Variants in EPOR observed in about 807,000 individuals in gnomAD.
The protein encoded by EPOR is erythropoietin receptor.
Under a neutral mutation model 34.3 loss-of-function variants are expected in EPOR, and 20 were observed. The ratio of observed to expected loss-of-function variants is 0.58; its 90% CI spans 0.41 to 0.85. The LOEUF (loss-of-function observed/expected upper bound fraction) is 0.85. Among genes scored for constraint, EPOR ranks in the 40% least tolerant of loss-of-function variants. The pLI, the probability that EPOR is intolerant of heterozygous loss-of-function variation, is 0.00. For missense variants in EPOR, 601 were observed against 672.7 expected (o/e 0.89, Z 1.18); for synonymous variants, 312 against 299.0 (o/e 1.04, Z -0.45).
Position 11,381,539 on chromosome 19 carries a change from T to C in EPOR, c.585+153A>G, listed in dbSNP as rs978732810. 4.6e-5 allele frequency among the ~76,000 whole-genome samples: 7 copies of C among 152,028 alleles called. No homozygotes were observed. The highest frequency in any genetic ancestry group is 1.5e-4 in the African/African-American group (6 of 41,376). On this transcript the variant is annotated intron_variant, in intron 4 of 7. Transcript: ENST00000222139. The surrounding 1 kb of genome is among the most constrained non-coding windows in gnomAD (Gnocchi z 5.3). Reference sequence around the variant, plus strand: ...CGAGGACATTAGGAAAGGGGGTGTGTCTGTGGGCGTGGAACGGTCTTCAGC... The same window carrying C: ...CGAGGACATTAGGAAAGGGGGTGTGCCTGTGGGCGTGGAACGGTCTTCAGC...
chr19:11,378,206 G>T lies in EPOR; in HGVS notation c.1305C>A (p.Leu435=). The change falls in exon 8 of 8, where the codon CTC becomes CTA. Residue 435 remains leucine, a synonymous_variant. Transcript: ENST00000222139. This position sits in a 1 kb window ranked among gnomAD's most constrained non-coding sequence, Gnocchi z 5.3. ...CAGGGCACAGTGTCCATGGACGCAA[G>T]AGCTGGGAGCTGGGGTCCAGGATAG... ...EYTILDPSSQ[L]LRPWTLCPEL... 1 of 1,614,172 alleles carries T rather than the reference G, an allele frequency of 6.2e-7. No homozygotes were observed. Among genetic ancestry groups the T allele is most frequent in the South Asian group, 1.1e-5 (1 of 91,090 alleles).
At chr19:11,380,264 C>G (rs1186880236) in intron 6 of EPOR, among the ~76,000 whole-genome samples, 1 of 152,164 alleles carries the variant, frequency 6.6e-6, no homozygotes, top group Non-Finnish European at 1.5e-5. Flanking sequence ...ACTTGAGATC[C>G]ACAAGGTCAG....
rs777739386 is a variant in EPOR, at chr19:11,382,849, T to A, written c.251+248A>T. 10 of 1,492,028 alleles carry A rather than the reference T, an allele frequency of 6.7e-6. No homozygotes were observed. In the South Asian group the frequency reaches 1.1e-4, roughly 16 times the overall value. The allele number at this position is 1,492,028 out of a possible 1,614,324, so 92.4% of individuals were successfully genotyped here. ...GCCCCGACGTAGTAACGCCTTACCCTCGATTTGGAGGCGTTGTTATCCCAG... is the reference window on the plus strand; with the variant it reads ...GCCCCGACGTAGTAACGCCTTACCCACGATTTGGAGGCGTTGTTATCCCAG... On this transcript the variant is annotated intron_variant, in intron 2 of 7. Transcript: ENST00000222139.
rs1369800666 is a variant in EPOR at position 11,378,338 on chromosome 19, A to C, written c.1173T>G (p.Ser391Arg). Residue 391 changes from serine to arginine, a missense_variant, in exon 8 of 8, where the codon AGT becomes AGG. Ser to Arg is a moderately radical substitution (Grantham distance 110). Transcript: ENST00000222139. The surrounding 1 kb of genome is among the most constrained non-coding windows in gnomAD (Gnocchi z 5.3). ...CTTCATCCATGGCCACTATGTCCAC[A>C]CTGCCACCAGGCCCTGGGAGGTCCT... ...PSEDLPGPGGSVDIVAMDEGS... is the reference protein window; with the variant it reads ...PSEDLPGPGGRVDIVAMDEGS... 1 of 1,613,406 alleles carries C rather than the reference A, an allele frequency of 6.2e-7. No individual in the cohort carries two copies. The highest frequency in any genetic ancestry group is 1.7e-5 in the Admixed American group (1 of 60,018).
In EPOR at chr19:11,377,773, A is replaced by ATG. The variant is rs774094479; in HGVS notation, c.*209_*210dup. On this transcript the variant is annotated 3_prime_UTR_variant, in exon 8 of 8. Coordinates refer to ENST00000222139, the MANE Select transcript of EPOR (RefSeq NM_000121.4). ...TCATGGTAGAAAAACTTACATACAT[A>ATG]TGTGTATATATATATATAGATACAA... 11 of 704,052 alleles carry ATG rather than the reference A, an allele frequency of 1.6e-5. No individual in the cohort carries two copies. Among genetic ancestry groups the ATG allele is most frequent in the South Asian group, 1.4e-4 (10 of 70,090 alleles). 43.6% of individuals were successfully genotyped at this position (704,052 alleles called of 1,614,324 possible).
Position 11,382,025 on chromosome 19 carries a change from G to C in EPOR, c.332C>G (p.Thr111Arg). 1 of 1,614,206 alleles carries C rather than the reference G, an allele frequency of 6.2e-7. No homozygotes were observed. The highest frequency in any genetic ancestry group is 8.5e-7 in the Non-Finnish European group (1 of 1,180,020). The change falls in exon 3 of 8, where the codon ACA (threonine) becomes AGA (arginine). Residue 111 changes from threonine to arginine, a missense_variant. Thr to Arg is a moderately conservative substitution (Grantham distance 71). Coordinates refer to ENST00000222139, the MANE Select transcript of EPOR (RefSeq NM_000121.4). ...GAVRFWCSLP[T>R]ADTSSFVPLE... is the part of the protein sequence containing the mutation. The stretch of plus-strand genomic sequence containing the variant: ...GGGCACGAAGCTCGACGTGTCGGCT[G>C]TAGGCAGCGAACACCAGAAGCGCAC...
chr19:11,381,395 C>T lies in EPOR; in HGVS notation c.586-186G>A, dbSNP rs572245157. The T allele has an allele frequency of 4.1e-6, 3 of 727,310 alleles. No individual in the cohort carries two copies. In the African/African-American group the frequency reaches 5.3e-5, roughly 13 times the overall value. 45.1% of individuals were successfully genotyped at this position (727,310 alleles called of 1,614,324 possible). ...CCAATCAGAGAGAGAGTCTCTGGTACGAAAGGGCGGGACCCGGGCAATTTA... is the reference window on the plus strand; with the variant it reads ...CCAATCAGAGAGAGAGTCTCTGGTATGAAAGGGCGGGACCCGGGCAATTTA... On this transcript the variant is annotated intron_variant, in intron 4 of 7. Transcript: ENST00000222139. The surrounding 1 kb of genome is among the most constrained non-coding windows in gnomAD (Gnocchi z 5.3).
In EPOR at chr19:11,378,712, G is replaced by T. The variant is rs763766126; in HGVS notation, c.894C>A (p.Thr298=). Reference sequence around the variant, plus strand: ...CTACCTGGAAGTTACCCTTGTGGGTGGTGAAGAGGCCTTCAAACTCGCTCT... The same window carrying T: ...CTACCTGGAAGTTACCCTTGTGGGTTGTGAAGAGGCCTTCAAACTCGCTCT... ...SPESEFEGLF[T]THKGNFQLWL... Residue 298 remains threonine (T), a synonymous_variant, in exon 7 of 8, where the codon ACC becomes ACA. Coordinates refer to ENST00000222139, the MANE Select transcript of EPOR (RefSeq NM_000121.4). The surrounding 1 kb of genome is among the most constrained non-coding windows in gnomAD (Gnocchi z 5.3). 5.1e-5 allele frequency: 83 copies of T among 1,614,106 alleles called. No homozygotes were observed. The highest frequency in any genetic ancestry group is 7.0e-5 in the Non-Finnish European group (83 of 1,180,044).
Position 11,381,339 on chromosome 19 carries a change from A to AGTAGGGG in EPOR, c.586-137_586-131dup, listed in dbSNP as rs1968355334. The stretch of plus-strand genomic sequence containing the variant: ...CTAGAATTGCAATGGGACCAATAAG[A>AGTAGGGG]GTAGGGGGAGGAGCCCAAGAAAGCT... On this transcript the variant is annotated intron_variant, in intron 4 of 7. Coordinates refer to ENST00000222139, the MANE Select transcript of EPOR (RefSeq NM_000121.4). The surrounding 1 kb of genome is among the most constrained non-coding windows in gnomAD (Gnocchi z 5.3). 1 of 1,016,796 alleles carries AGTAGGGG rather than the reference A, an allele frequency of 9.8e-7. No homozygotes were observed. Among genetic ancestry groups the AGTAGGGG allele is most frequent in the Non-Finnish European group, 1.5e-6 (1 of 679,050 alleles). 63.0% of individuals were successfully genotyped at this position (1,016,796 alleles called of 1,614,324 possible).
intron 2 of EPOR, among the ~76,000 whole-genome samples, chr19:11,382,482 G>GCCTC (rs1432181531): frequency 1.3e-5 from 2 of 151,448 alleles, no homozygotes; most frequent in African/African-American, 4.9e-5. Flanking sequence ...TCCTGCCTCA[G>GCCTC]CCTCCCGAGT....
intron 2 of EPOR, 185 bp downstream of exon 2, chr19:11,382,912 G>A: frequency 6.5e-7 from 1 of 1,533,276 alleles, no homozygotes; most frequent in Non-Finnish European, 8.7e-7. Context: ...GTGATCGCGG[G>A]AGTGTTCGCG....
chr19:11,383,037 A>T lies in EPOR; in HGVS notation c.251+60T>A. On this transcript the variant is annotated intron_variant, in intron 2 of 7. Coordinates refer to ENST00000222139, the MANE Select transcript of EPOR (RefSeq NM_000121.4). This position sits in a 1 kb window ranked among gnomAD's most constrained non-coding sequence, Gnocchi z 4.9. ...GGGGACATACGAGGCTACGACCTCCAGGGAGCTCTGCCCCACCCCCTCCCT... is the reference window on the plus strand; with the variant it reads ...GGGGACATACGAGGCTACGACCTCCTGGGAGCTCTGCCCCACCCCCTCCCT... 3.7e-6 allele frequency: 6 copies of T among 1,610,548 alleles called. No individual in the cohort carries two copies. Among genetic ancestry groups the T allele is most frequent in the Non-Finnish European group, 5.1e-6 (6 of 1,179,614 alleles).
At position 11,381,439 on chromosome 19, in the gene EPOR, G is replaced by A. The variant is rs1026273619; in HGVS notation, c.586-230C>T. The A allele has an allele frequency of 1.0e-5, 7 of 667,502 alleles. No individual in the cohort carries two copies. Among genetic ancestry groups the A allele is most frequent in the African/African-American group, 1.8e-5 (1 of 55,152 alleles). The allele number at this position is 667,502 out of a possible 1,614,324, so 41.3% of individuals were successfully genotyped here. A position where few individuals can be genotyped will look rare whatever the true frequency, so the allele number is the denominator to read the frequency against. On this transcript the variant is annotated intron_variant, in intron 4 of 7. Transcript: ENST00000222139. The surrounding 1 kb of genome is among the most constrained non-coding windows in gnomAD (Gnocchi z 5.3). ...CAATTTAATATCTGGGCTAGCACTC[G>A]TAGAGGGACCCGGGCGCTAAAGGGG...
chr19:11,384,198 G>A lies in EPOR; in HGVS notation c.10C>T (p.Leu4Phe), dbSNP rs1239516139. Residue 4 changes from leucine (L) to phenylalanine (F), a missense_variant, in exon 1 of 8, where the codon CTC (leucine) becomes TTC (phenylalanine). Physicochemically the swap from Leu to Phe is conservative, Grantham distance 22. Transcript: ENST00000222139. ...ACCTGGGGCCAGAGGGACGCCCCGA[G>A]GTGGTCCATGATACAGCCCCCGCCA... is the stretch of plus-strand genomic sequence containing the variant. MDH[L>F]GASLWPQVGS... is the part of the protein sequence containing the mutation. The A allele has an allele frequency of 6.5e-7, 1 of 1,544,858 alleles. No homozygotes were observed. Among genetic ancestry groups the A allele is most frequent in the Admixed American group, 2.0e-5 (1 of 50,978 alleles).
In EPOR at chr19:11,383,057, C is replaced by A; in HGVS notation, c.251+40G>T. The A allele has an allele frequency of 6.2e-7, 1 of 1,612,320 alleles. No homozygotes were observed. The highest frequency in any genetic ancestry group is 1.1e-5 in the South Asian group (1 of 91,060). On this transcript the variant is annotated intron_variant, in intron 2 of 7. Transcript: ENST00000222139. This position sits in a 1 kb window ranked among gnomAD's most constrained non-coding sequence, Gnocchi z 4.9. ...CCTCCAGGGAGCTCTGCCCCACCCC[C>A]TCCCTCCGCCCTTGGAGGCACCCGC... is the stretch of plus-strand genomic sequence containing the variant.
At position 11,381,202 on chromosome 19, in the gene EPOR, A is replaced by T; in HGVS notation, c.593T>A (p.Ile198Asn). ...CACACACTCGGTGCGGCCCTCCAGG[A>T]TCTCCACCTGGGGGCGGAATCAGGG... The part of the protein sequence containing the change: ...NGAGSVQRVE[I>N]LEGRTECVLS... The change falls in exon 5 of 8, where the codon ATC becomes AAC. Residue 198 changes from isoleucine to asparagine, a missense_variant. Transcript: ENST00000222139. The surrounding 1 kb of genome is among the most constrained non-coding windows in gnomAD (Gnocchi z 5.3). 1.3e-6 allele frequency: 2 copies of T among 1,549,414 alleles called. No individual in the cohort carries two copies. Among genetic ancestry groups the T allele is most frequent in the Non-Finnish European group, 1.7e-6 (2 of 1,147,112 alleles).
At position 11,379,151 on chromosome 19, in the gene EPOR, C is replaced by T. The variant is rs145098182; in HGVS notation, c.828-373G>A. Among the ~76,000 whole-genome samples, 363 of 152,042 alleles carry T rather than the reference C, an allele frequency of 2.4e-3. 3 individuals carry two copies. Among genetic ancestry groups the T allele is most frequent in the African/African-American group, 8.1e-3 (336 of 41,474 alleles). ...GACCAGCCTAGGAAACATAGTGAGA[C>T]CCCCATCTCTAAAAAAAATAAAATA... is the stretch of plus-strand genomic sequence containing the variant. On this transcript the variant is annotated intron_variant, in intron 6 of 7. Coordinates refer to ENST00000222139, the MANE Select transcript of EPOR (RefSeq NM_000121.4).
At position 11,383,520 on chromosome 19, in the gene EPOR, C is replaced by T; in HGVS notation, c.116-288G>A. ...GTTCAAGACCTCGAGCTCGGGACTG[C>T]CAGCCCCGCCCCAGCCTAGGACACG... On this transcript the variant is annotated intron_variant, in intron 1 of 7. Transcript: ENST00000222139. The surrounding 1 kb of genome is among the most constrained non-coding windows in gnomAD (Gnocchi z 4.9). 1 of 360,178 alleles carries T rather than the reference C, an allele frequency of 2.8e-6. No individual in the cohort carries two copies. The highest frequency in any genetic ancestry group is 5.0e-5 in the East Asian group (1 of 19,958). The allele number at this position is 360,178 out of a possible 1,614,324, so 22.3% of individuals were successfully genotyped here.
rs748682367 is a variant in EPOR at position 11,381,698 on chromosome 19, T to C, written c.579A>G (p.Val193=). ...CCGTAGGGGCTGGCCTCACCCTCTG[T>C]ACGCTCCCTGCGCCGTTGCCGGCCG... is the stretch of plus-strand genomic sequence containing the variant. ...DVSAGNGAGS[V]QRVEILEGRT... is the part of the protein sequence containing the mutation. Residue 193 remains valine, a synonymous_variant, in exon 4 of 8, where the codon GTA becomes GTG. Coordinates refer to ENST00000222139, the MANE Select transcript of EPOR (RefSeq NM_000121.4). The surrounding 1 kb of genome is among the most constrained non-coding windows in gnomAD (Gnocchi z 5.3). The C allele has an allele frequency of 1.2e-6, 2 of 1,606,630 alleles. No homozygotes were observed. The highest frequency in any genetic ancestry group is 4.5e-5 in the East Asian group (2 of 44,376).
Sources: gnomAD v4.1 joint callset for allele counts (sites outside exome capture counted in the v4.1 genomes callset) on GRCh38, gnomAD v4.1.1 for gene constraint, Gnocchi (gnomAD v3.1) non-coding constraint, MANE v1.5 for transcripts, NCBI Gene and HGNC (gene_info 2026-07-23, HGNC 2026-07-21) for gene names.